The following ZNF423 variants were observed in gnomAD, a reference collection of about 807,000 sequenced individuals.
ZNF423 encodes zinc finger protein 423.
In ZNF423, 12 loss-of-function variants were observed where a neutral mutation model predicts 95.8. The observed-to-expected ratio is 0.13, with a 90% confidence interval of 0.08 to 0.20. The LOEUF is 0.20. Among genes scored for constraint, ZNF423 ranks in the 10% least tolerant of loss-of-function variants. The pLI, the probability that ZNF423 is intolerant of heterozygous loss-of-function variation, is 1.00. For missense variants in ZNF423, 1,316 were observed against 1,737.1 expected (o/e 0.76, Z 4.31); for synonymous variants, 749 against 711.9 (o/e 1.05, Z -0.83).
chr16:49,607,283 C>T (rs1413267872), intron 5 of ZNF423, among the ~76,000 whole-genome samples: 6 of 151,898 alleles, frequency 4.0e-5, no homozygotes, highest in African/African-American at 1.2e-4. Context: ...CCCTGCATAA[C>T]AGGCCACAGA....
intron 5 of ZNF423, among the ~76,000 whole-genome samples, chr16:49,549,520 C>T (rs1414277102): frequency 6.6e-6 from 1 of 152,228 alleles, no homozygotes; most frequent in Admixed American, 6.5e-5. Flanking sequence ...CATTTCCTCT[C>T]CTCTCCTCCA....
chr16:49,570,547 G>A (rs975830719), intron 5 of ZNF423, among the ~76,000 whole-genome samples: 5 of 152,152 alleles, frequency 3.3e-5, no homozygotes, highest in Admixed American at 2.0e-4. Flanking sequence ...GCCTCCTAAT[G>A]AAGAATGAAA....
At chr16:49,839,408 G>T (rs2035159020) in intron 1 of ZNF423, among the ~76,000 whole-genome samples, 1 of 152,138 alleles carries the variant, frequency 6.6e-6, no homozygotes, top group Non-Finnish European at 1.5e-5. Flanking sequence ...CTGTCAGATG[G>T]GGGTGGGAAC....
rs931921397 is a variant in ZNF423 at position 49,855,820 on chromosome 16, C to T, written c.-46G>A. 7.2e-5 allele frequency: 11 copies of T among 152,056 alleles called. No homozygotes were observed. The highest frequency in any genetic ancestry group is 2.7e-4 in the African/African-American group (11 of 41,284). The allele number at this position is 152,056 out of a possible 1,614,324, so 9.4% of individuals were successfully genotyped here. On this transcript the variant is annotated 5_prime_UTR_variant, in exon 1 of 8. Transcript: ENST00000563137. The surrounding 1 kb of genome is among the most constrained non-coding windows in gnomAD (Gnocchi z 4.7). ...CGTCGCCCTCCGCAGCCGGCTCCCC[C>T]CGCCGCCCCCCGCCGCTCCGGGCAG... is the stretch of plus-strand genomic sequence containing the variant.
chr16:49,639,457 T>C (rs879787985), intron 3 of ZNF423, among the ~76,000 whole-genome samples: 1 of 152,158 alleles, frequency 6.6e-6, no homozygotes, highest in African/African-American at 2.4e-5. Flanking sequence ...CTTCAGGTGG[T>C]AGACAAGACA....
chr16:49,778,056 C>T (rs748334089), intron 2 of ZNF423, among the ~76,000 whole-genome samples: 1 of 152,160 alleles, frequency 6.6e-6, no homozygotes, highest in Non-Finnish European at 1.5e-5. Context: ...CTAACTATCA[C>T]GTATGGCCAG....
intron 5 of ZNF423, among the ~76,000 whole-genome samples, chr16:49,577,062 G>A (rs775447966): frequency 3.9e-4 from 60 of 152,092 alleles, no homozygotes; most frequent in Non-Finnish European, 6.0e-4. Flanking sequence ...AAGACAACCC[G>A]GGCAGACAAT....
rs1013559513 is a variant in ZNF423, at chr16:49,781,455, T to A, written c.100+8032A>T. ...AACCCACTGCGAGTTCAGCGTGGAC[T>A]TCATCTAGAAGCTTATAGACGAATG... On this transcript the variant is annotated intron_variant, in intron 2 of 7. Transcript: ENST00000563137. Among the ~76,000 whole-genome samples the A allele has an allele frequency of 1.2e-4, 18 of 152,184 alleles. 1 individual carries two copies. The highest frequency in any genetic ancestry group is 1.1e-3 in the Admixed American group (17 of 15,274).
intron 7 of ZNF423, among the ~76,000 whole-genome samples, chr16:49,514,768 G>A (rs780993368): frequency 2.0e-5 from 3 of 152,180 alleles, no homozygotes; most frequent in Non-Finnish European, 4.4e-5. Context: ...CCGCGGGCCC[G>A]GCTCACGGAA....
chr16:49,621,997 A>G (rs576662538), intron 5 of ZNF423, among the ~76,000 whole-genome samples: 5 of 152,214 alleles, frequency 3.3e-5, no homozygotes, highest in Non-Finnish European at 7.3e-5. Flanking sequence ...GGCTCAGGCC[A>G]GGATATACCC....
intron 2 of ZNF423, among the ~76,000 whole-genome samples, chr16:49,766,331 C>T (rs1189047344): frequency 6.6e-6 from 1 of 152,206 alleles, no homozygotes; most frequent in African/African-American, 2.4e-5. Context: ...GAGGAAATCT[C>T]CTGCCCAAGA....
intron 3 of ZNF423, among the ~76,000 whole-genome samples, chr16:49,682,803 C>T (rs923189109): frequency 1.3e-5 from 2 of 152,346 alleles, no homozygotes; most frequent in East Asian, 1.9e-4. Flanking sequence ...GTCCAAAGAA[C>T]TCAATAAACA....
chr16:49,711,626 G>T (rs986144402), intron 3 of ZNF423: 1 of 152,154 alleles, frequency 6.6e-6, no homozygotes, highest in East Asian at 1.9e-4. Flanking sequence ...ATTAAACCAT[G>T]ACAAGCCACT....
At chr16:49,728,939 G>T (rs927686082) in intron 3 of ZNF423, among the ~76,000 whole-genome samples, 1 of 152,096 alleles carries the variant, frequency 6.6e-6, no homozygotes, top group Non-Finnish European at 1.5e-5. Flanking sequence ...TACCATATTG[G>T]CCAGGCTGGT....
intron 1 of ZNF423, among the ~76,000 whole-genome samples, chr16:49,817,125 G>T (rs2034867831): frequency 6.6e-6 from 1 of 152,152 alleles, no homozygotes; most frequent in Non-Finnish European, 1.5e-5. Flanking sequence ...AATAAGTCTG[G>T]CATCTTCCAT....
At chr16:49,798,855 C>T (rs1489239375) in intron 1 of ZNF423, among the ~76,000 whole-genome samples, 1 of 152,198 alleles carries the variant, frequency 6.6e-6, no homozygotes, top group East Asian at 1.9e-4. Context: ...AAGCCTAAAC[C>T]TTGCTTAGCC....
intron 3 of ZNF423, among the ~76,000 whole-genome samples, chr16:49,676,511 C>G (rs1373460758): frequency 1.3e-5 from 2 of 152,110 alleles, no homozygotes; most frequent in African/African-American, 4.8e-5. Flanking sequence ...CTCTAGGGAA[C>G]AAAAACAGCC....
chr16:49,509,269 G>A (rs1009868335), intron 7 of ZNF423, among the ~76,000 whole-genome samples: 8 of 152,138 alleles, frequency 5.3e-5, no homozygotes, highest in African/African-American at 1.7e-4. Flanking sequence ...CCCCTGGGAC[G>A]CCTAAAGGAG....
intron 3 of ZNF423, among the ~76,000 whole-genome samples, chr16:49,685,641 T>C (rs2031535252): frequency 6.6e-6 from 1 of 152,150 alleles, no homozygotes; most frequent in African/African-American, 2.4e-5. Flanking sequence ...TTTCCACACC[T>C]TGTCAACGTG....
Sources: allele counts gnomAD v4.1 joint callset (sites outside exome capture counted in the v4.1 genomes callset), GRCh38; gene constraint gnomAD v4.1.1; non-coding constraint Gnocchi (gnomAD v3.1); transcripts MANE v1.5; gene names NCBI Gene and HGNC (gene_info 2026-07-23, HGNC 2026-07-21).